PHF20: variants seen among roughly 807,000 people sequenced by gnomAD.
PHF20 encodes the protein glioma-expressed antigen 2.
A neutral mutation model predicts 113.5 loss-of-function variants in PHF20; 23 were observed. That is an observed-to-expected ratio of 0.20 (90% CI 0.15 to 0.29). The LOEUF (loss-of-function observed/expected upper bound fraction) is 0.29. PHF20 is among the 10% of genes least tolerant of loss of function. PHF20 has a pLI of 1.00. For synonymous variants in PHF20, 434 were observed against 457.3 expected (o/e 0.95, Z 0.65); for missense variants, 943 against 1,219.6 (o/e 0.77, Z 3.38).
chr20:35,803,591 C>T (rs926980728), intron 2 of PHF20, among the ~76,000 whole-genome samples: 1 of 151,586 alleles, frequency 6.6e-6, no homozygotes, highest in Non-Finnish European at 1.5e-5. Context: ...TCCCAAAGTG[C>T]TGGGATTACA....
At chr20:35,873,611 G>A (rs1203961342) in intron 9 of PHF20, among the ~76,000 whole-genome samples, 1 of 151,800 alleles carries the variant, frequency 6.6e-6, no homozygotes, top group East Asian at 1.9e-4. Context: ...TGGGATTATA[G>A]GCACCCACCA....
intron 14 of PHF20, 21 bp downstream of exon 14, chr20:35,927,900 G>T: frequency 6.6e-7 from 1 of 1,511,704 alleles, no homozygotes; most frequent in South Asian, 1.1e-5. Context: ...CTGGAGTCAG[G>T]GATATAACAG....
intron 1 of PHF20, among the ~76,000 whole-genome samples, chr20:35,786,213 C>A (rs1410216214): frequency 6.6e-6 from 1 of 150,538 alleles, no homozygotes; most frequent in Non-Finnish European, 1.5e-5. Flanking sequence ...ATGGTAAAAC[C>A]CCGTCTCTAC....
intron 10 of PHF20, among the ~76,000 whole-genome samples, chr20:35,906,191 G>C (rs56082129): frequency 0.076 from 11,550 of 152,262 alleles, 689 homozygotes; most frequent in South Asian, 0.2. Context: ...ACTGGAGTGG[G>C]CACCTCTTCA....
chr20:35,892,385 T>A (rs1486200537), intron 9 of PHF20, among the ~76,000 whole-genome samples: 1 of 151,830 alleles, frequency 6.6e-6, no homozygotes, highest in Non-Finnish European at 1.5e-5. Flanking sequence ...AATTTTGTAT[T>A]TTTAGTAGAG....
chr20:35,913,369 T>A, intron 11 of PHF20, 22 bp downstream of exon 11: 1 of 1,501,882 alleles, frequency 6.7e-7, no homozygotes, highest in Non-Finnish European at 9.2e-7. Flanking sequence ...TCCTGAGGGT[T>A]TCACTTAGGT....
chr20:35,928,059 A>G (rs1286482815), intron 14 of PHF20, among the ~76,000 whole-genome samples, 180 bp downstream of exon 14: 1 of 152,216 alleles, frequency 6.6e-6, no homozygotes, highest in African/African-American at 2.4e-5. Flanking sequence ...GAACGTAGCA[A>G]TAAGAGCACA....
intron 1 of PHF20, among the ~76,000 whole-genome samples, chr20:35,795,344 T>G (rs548076096): frequency 2.0e-3 from 301 of 152,124 alleles, no homozygotes; most frequent in Middle Eastern, 3.4e-3. Flanking sequence ...AAGCAATTCT[T>G]CTGCCTCACC....
At chr20:35,896,213 G>A (rs890655335) in intron 9 of PHF20, among the ~76,000 whole-genome samples, 1 of 151,622 alleles carries the variant, frequency 6.6e-6, no homozygotes, top group African/African-American at 2.4e-5. Flanking sequence ...AAATTTAAGA[G>A]TTTTAAAATT....
At chr20:35,936,805 T>A (rs2055874084) in intron 15 of PHF20, among the ~76,000 whole-genome samples, 1 of 152,202 alleles carries the variant, frequency 6.6e-6, no homozygotes, top group Admixed American at 6.5e-5. Flanking sequence ...GAAGAGCACT[T>A]TACCACCATT....
Position 35,801,519 on chromosome 20 carries a change from G to A in PHF20, c.-4G>A, listed in dbSNP as rs1167771907. On this transcript the variant is annotated 5_prime_UTR_variant, in exon 2 of 18. Transcript: ENST00000374012. ...AATAAAGGCAGCCCCGTTGATGACT[G>A]AAAATGACAAAGCATCCACCTAACA... 3.1e-6 allele frequency: 5 copies of A among 1,611,692 alleles called. No individual in the cohort carries two copies. Among genetic ancestry groups the A allele is most frequent in the African/African-American group, 1.3e-5 (1 of 74,996 alleles).
intron 4 of PHF20, among the ~76,000 whole-genome samples, chr20:35,850,203 G>C (rs1405690332): frequency 2.7e-5 from 4 of 150,598 alleles, no homozygotes; most frequent in African/African-American, 9.7e-5. Flanking sequence ...GACAGTAAAA[G>C]ATGGGTTTCT....
In PHF20 at chr20:35,801,543, C is replaced by T. The variant is rs749778164; in HGVS notation, c.21C>T (p.Asn7=). 1.2e-6 allele frequency: 2 copies of T among 1,613,638 alleles called. No individual in the cohort carries two copies. Among genetic ancestry groups the T allele is most frequent in the African/African-American group, 1.3e-5 (1 of 75,048 alleles). MTKHPP[N]RRGISFEVGA... is the part of the protein sequence containing the mutation. ...TGAAAATGACAAAGCATCCACCTAA[C>T]AGACGAGGAATCAGCTTTGAAGTGG... Residue 7 remains asparagine, a synonymous_variant, in exon 2 of 18, where the codon AAC becomes AAT. Coordinates refer to ENST00000374012, the MANE Select transcript of PHF20 (RefSeq NM_016436.5).
At chr20:35,814,886 A>AAAAAT (rs1568601687) in intron 2 of PHF20, among the ~76,000 whole-genome samples, 1 of 146,054 alleles carries the variant, frequency 6.8e-6, no homozygotes, top group African/African-American at 2.6e-5. Flanking sequence ...AAAAAAAAAA[A>AAAAAT]AAAATAAAAT....
intron 9 of PHF20, among the ~76,000 whole-genome samples, chr20:35,897,823 T>C (rs1488798739): frequency 6.6e-6 from 1 of 151,860 alleles, no homozygotes; most frequent in African/African-American, 2.4e-5. Context: ...TGCCTCGGCC[T>C]CCTAAAGTGC....
Position 35,940,981 on chromosome 20 carries a change from A to G in PHF20, c.2830A>G (p.Thr944Ala). ...GCACCAGTGGCAGTTTAACCTGCTGACCCATGTGGAATCTCTTCAGGATGA... is the reference window on the plus strand; with the variant it reads ...GCACCAGTGGCAGTTTAACCTGCTGGCCCATGTGGAATCTCTTCAGGATGA... ...SQHQWQFNLL[T>A]HVESLQDEVT... Residue 944 changes from threonine to alanine, a missense_variant, in exon 17 of 18, where the codon ACC becomes GCC. Thr to Ala is a moderately conservative substitution (Grantham distance 58, BLOSUM62 0). Coordinates refer to ENST00000374012, the MANE Select transcript of PHF20 (RefSeq NM_016436.5). The G allele has an allele frequency of 6.2e-7, 1 of 1,614,112 alleles. No individual in the cohort carries two copies. Among genetic ancestry groups the G allele is most frequent in the Non-Finnish European group, 8.5e-7 (1 of 1,179,998 alleles).
chr20:35,868,955 G>A (rs781201254), intron 6 of PHF20, among the ~76,000 whole-genome samples: 8 of 151,878 alleles, frequency 5.3e-5, no homozygotes, highest in Non-Finnish European at 1.2e-4. Context: ...GCCGGGTGTG[G>A]TGTCGGGTGC....
chr20:35,945,540 G>A (rs1319960134), intron 17 of PHF20, among the ~76,000 whole-genome samples: 1 of 152,136 alleles, frequency 6.6e-6, no homozygotes, highest in Admixed American at 6.5e-5. Flanking sequence ...AGAGGATTGC[G>A]CAGTAGGTTG....
chr20:35,921,185 T>C (rs11167279), intron 13 of PHF20, among the ~76,000 whole-genome samples: 14,848 of 152,178 alleles, frequency 0.098, 781 homozygotes, highest in South Asian at 0.15. Context: ...GCTGTGTAGT[T>C]ACTTTGATTA....
Sources: allele counts gnomAD v4.1 joint callset (sites outside exome capture counted in the v4.1 genomes callset), GRCh38; gene constraint gnomAD v4.1.1; transcripts MANE v1.5; gene names NCBI Gene and HGNC (gene_info 2026-07-23, HGNC 2026-07-21).